The following SHISA9 variants were observed in gnomAD, a reference collection of about 807,000 sequenced individuals.
SHISA9 encodes shisa family member 9, also known as protein shisa-9.
In SHISA9, 13 loss-of-function variants were observed where a neutral mutation model predicts 38.0. That is an observed-to-expected ratio of 0.34 (90% CI 0.22 to 0.54). The LOEUF is 0.54. Among genes scored for constraint, SHISA9 ranks in the 20% least tolerant of loss-of-function variants. SHISA9 has a pLI of 0.91. For missense variants in SHISA9, 538 were observed against 575.8 expected (o/e 0.93, Z 0.67); for synonymous variants, 275 against 242.0 (o/e 1.14, Z -1.27).
the SHISA9 span, among the ~76,000 whole-genome samples, chr16:13,297,861 A>G: frequency 6.6e-6 from 1 of 152,148 alleles, no homozygotes; most frequent in East Asian, 1.9e-4. Context: ...GGTCCAAGCA[A>G]TTCTCCTGCT....
chr16:12,934,512 A>G (rs1419332889), intron 2 of SHISA9, among the ~76,000 whole-genome samples: 2 of 152,220 alleles, frequency 1.3e-5, no homozygotes, highest in Non-Finnish European at 2.9e-5. Context: ...AACTATTGAT[A>G]TATAGGGGAA....
At chr16:13,282,346 G>A in the SHISA9 span, among the ~76,000 whole-genome samples, 7 of 151,622 alleles carry the variant, frequency 4.6e-5, no homozygotes, top group Admixed American at 6.6e-5. Flanking sequence ...GGCCTCCCTT[G>A]TTTCTGACAA....
chr16:13,199,892 T>C (rs1220044200), intron 2 of SHISA9, among the ~76,000 whole-genome samples: 3 of 152,292 alleles, frequency 2.0e-5, no homozygotes, highest in South Asian at 2.1e-4. Flanking sequence ...TCACCTGCTT[T>C]TCAACTGCCA....
downstream of SHISA9, among the ~76,000 whole-genome samples, chr16:13,241,674 C>T (rs1461897147): frequency 6.6e-6 from 1 of 152,174 alleles, no homozygotes; most frequent in Non-Finnish European, 1.5e-5. Context: ...AACTTCCACT[C>T]TCTGGATGCT....
chr16:13,497,409 G>A, the SHISA9 span, among the ~76,000 whole-genome samples: 1 of 152,160 alleles, frequency 6.6e-6, no homozygotes, highest in African/African-American at 2.4e-5. Context: ...AGAGGGGCCG[G>A]ATGTGGTGGC....
intron 2 of SHISA9, among the ~76,000 whole-genome samples, chr16:12,962,365 T>G (rs563542241): frequency 6.6e-6 from 1 of 152,192 alleles, no homozygotes. Flanking sequence ...AGTTCCCCAG[T>G]TGCATGAATG....
the SHISA9 span, among the ~76,000 whole-genome samples, chr16:13,432,735 T>TA: frequency 1.3e-5 from 2 of 152,088 alleles, no homozygotes; most frequent in African/African-American, 4.8e-5. Flanking sequence ...TATGCAGCCA[T>TA]AAAAAAGAAT....
At chr16:13,534,795 T>A in the SHISA9 span, among the ~76,000 whole-genome samples, 3 of 152,126 alleles carry the variant, frequency 2.0e-5, no homozygotes, top group Admixed American at 6.5e-5. Flanking sequence ...CTGATCTGTC[T>A]TCTCCCCTCT....
intron 2 of SHISA9, among the ~76,000 whole-genome samples, chr16:13,161,993 A>G (rs1596692307): frequency 6.6e-6 from 1 of 152,214 alleles, no homozygotes; most frequent in South Asian, 2.1e-4. Context: ...AATATTATGA[A>G]TTACTTGGAT....
chr16:13,239,121 A>G lies in SHISA9; in HGVS notation c.*3712A>G, dbSNP rs1253045582. 1 of 151,364 alleles carries G rather than the reference A, an allele frequency of 6.6e-6. No homozygotes were observed. The highest frequency in any genetic ancestry group is 1.5e-5 in the Non-Finnish European group (1 of 67,908). 9.4% of individuals were successfully genotyped at this position (151,364 alleles called of 1,614,324 possible). On this transcript the variant is annotated 3_prime_UTR_variant, in exon 5 of 5. Transcript: ENST00000558583. ...TTGTCCTTGCGATAGTTTACTGAGAATGATGATTTCCAATTTCATCCATGT... is the reference window on the plus strand; with the variant it reads ...TTGTCCTTGCGATAGTTTACTGAGAGTGATGATTTCCAATTTCATCCATGT...
At chr16:12,967,053 A>C (rs2071989061) in intron 2 of SHISA9, among the ~76,000 whole-genome samples, 1 of 152,236 alleles carries the variant, frequency 6.6e-6, no homozygotes, top group Admixed American at 6.5e-5. Context: ...CCATCCCATT[A>C]CTGGGATTAT....
the SHISA9 span, among the ~76,000 whole-genome samples, chr16:13,555,384 T>A: frequency 6.6e-6 from 1 of 152,128 alleles, no homozygotes; most frequent in African/African-American, 2.4e-5. Context: ...TCCTCAGAGC[T>A]TTCCAAAAAA....
chr16:13,184,187 A>G (rs1359147925), intron 2 of SHISA9, among the ~76,000 whole-genome samples: 1 of 152,086 alleles, frequency 6.6e-6, no homozygotes, highest in African/African-American at 2.4e-5. Context: ...ATGGTTTTCA[A>G]TCTACTTACC....
chr16:13,554,376 T>G, the SHISA9 span, among the ~76,000 whole-genome samples: 3 of 151,714 alleles, frequency 2.0e-5, no homozygotes, highest in Non-Finnish European at 4.4e-5. Context: ...ACAGAGGACT[T>G]ATATGCTACA....
chr16:13,218,408 A>C (rs1358328848), intron 4 of SHISA9, among the ~76,000 whole-genome samples: 1 of 152,208 alleles, frequency 6.6e-6, no homozygotes, highest in Non-Finnish European at 1.5e-5. Context: ...GCGACACAGC[A>C]TCCGTTTACA....
At chr16:12,969,436 C>T (rs1596555493) in intron 2 of SHISA9, among the ~76,000 whole-genome samples, 1 of 151,176 alleles carries the variant, frequency 6.6e-6, no homozygotes. Flanking sequence ...ATAAAGTGTA[C>T]ACTCTTCTGT....
the SHISA9 span, among the ~76,000 whole-genome samples, chr16:13,409,547 C>G: frequency 1.3e-5 from 2 of 152,364 alleles, no homozygotes; most frequent in East Asian, 3.9e-4. Context: ...ACGCCCCTGT[C>G]ACACATCCTG....
chr16:13,424,396 G>T, the SHISA9 span, among the ~76,000 whole-genome samples: 1 of 152,194 alleles, frequency 6.6e-6, no homozygotes, highest in Non-Finnish European at 1.5e-5. Context: ...CACATTCCAG[G>T]CTTCTCTGCC....
chr16:12,923,922 G>T (rs750813607), intron 2 of SHISA9, among the ~76,000 whole-genome samples: 12 of 152,126 alleles, frequency 7.9e-5, no homozygotes, highest in Non-Finnish European at 1.0e-4. Context: ...AGGTCTGTCC[G>T]ACTCCACAGC....
Sources: gnomAD v4.1 joint callset for allele counts (sites outside exome capture counted in the v4.1 genomes callset) on GRCh38, gnomAD v4.1.1 for gene constraint, MANE v1.5 for transcripts, NCBI Gene and HGNC (gene_info 2026-07-23, HGNC 2026-07-21) for gene names.